PHKB: variants seen among roughly 807,000 people sequenced by gnomAD.
PHKB encodes the protein phosphorylase kinase regulatory subunit beta, also known as phosphorylase b kinase regulatory subunit beta.
In PHKB, 122 loss-of-function variants were observed where a neutral mutation model predicts 152.1. The observed-to-expected ratio is 0.80, with a 90% confidence interval of 0.69 to 0.93. The LOEUF (loss-of-function observed/expected upper bound fraction) is 0.93, where lower values mean the gene tolerates loss of function less well. Ranked by LOEUF, PHKB falls within the 40% of genes least tolerant of loss-of-function variation. The pLI is 0.00. For missense variants in PHKB, 1,304 were observed against 1,328.4 expected (o/e 0.98, Z 0.29); for synonymous variants, 436 against 464.9 (o/e 0.94, Z 0.80).
intron 6 of PHKB, among the ~76,000 whole-genome samples, chr16:47,541,412 T>C (rs980164520): frequency 2.6e-5 from 4 of 152,224 alleles, no homozygotes; most frequent in African/African-American, 9.6e-5. Context: ...GACATTTGGG[T>C]TGGTTCCAAG....
rs2151731391 is a variant in PHKB at position 47,650,539 on chromosome 16, G to A, written c.1798-5G>A. 1.9e-6 allele frequency: 3 copies of A among 1,553,852 alleles called. No homozygotes were observed. The East Asian group carries it at 6.7e-5, about 35-fold the overall frequency. ...CATTACATCCTACCTCATTCTGTTT[G>A]ACAGAATGCGCTGCAGTTCATTAAA... On this transcript the variant is annotated splice_region_variant and splice_polypyrimidine_tract_variant and intron_variant, in intron 18 of 30. Coordinates refer to ENST00000323584, the MANE Select transcript of PHKB (RefSeq NM_000293.3).
intron 7 of PHKB, 103 bp from the exon 8 acceptor site, chr16:47,580,192 A>G (rs1486145369): frequency 2.4e-6 from 2 of 834,586 alleles, no homozygotes; most frequent in African/African-American, 1.7e-5. Flanking sequence ...AAGTTGTTAT[A>G]AATGTTAATA....
At chr16:47,563,986 A>G (rs1010683112) in intron 7 of PHKB, among the ~76,000 whole-genome samples, 9 of 93,966 alleles carry the variant, frequency 9.6e-5, no homozygotes, top group African/African-American at 3.3e-4. Flanking sequence ...AAAAGACATT[A>G]TTTCATTCTT....
At chr16:47,465,897 G>T (rs1184747046) in intron 1 of PHKB, among the ~76,000 whole-genome samples, 1 of 152,246 alleles carries the variant, frequency 6.6e-6, no homozygotes, top group East Asian at 1.9e-4. Flanking sequence ...GCACATCCTT[G>T]CTTCACAGCT....
At chr16:47,581,536 G>GTATGGCTTA in intron 8 of PHKB, among the ~76,000 whole-genome samples, 1 of 148,578 alleles carries the variant, frequency 6.7e-6, no homozygotes, top group Middle Eastern at 3.5e-3. Flanking sequence ...ATTTAACTAA[G>GTATGGCTTA]CCTCAGCTTC....
intron 14 of PHKB, among the ~76,000 whole-genome samples, chr16:47,636,436 T>G (rs1349928384): frequency 6.6e-6 from 1 of 152,108 alleles, no homozygotes; most frequent in Non-Finnish European, 1.5e-5. Context: ...TGCTCTCAGG[T>G]GCAGCTGCAG....
At chr16:47,528,551 A>G (rs947713254) in intron 6 of PHKB, among the ~76,000 whole-genome samples, 1 of 152,042 alleles carries the variant, frequency 6.6e-6, no homozygotes, top group African/African-American at 2.4e-5. Flanking sequence ...AACCAGGCTC[A>G]ATTTTTTTTT....
intron 1 of PHKB, among the ~76,000 whole-genome samples, chr16:47,488,067 G>A (rs189753017): frequency 1.1e-3 from 168 of 152,194 alleles, no homozygotes; most frequent in Non-Finnish European, 2.0e-3. Flanking sequence ...GTGTATAAGC[G>A]TTCCCTTTTT....
In PHKB at chr16:47,596,475, G is replaced by A. The variant is rs143602657; in HGVS notation, c.1307G>A (p.Arg436His). The change falls in exon 13 of 31, where the codon CGT (arginine) becomes CAT (histidine). Residue 436 changes from arginine (R) to histidine (H), a missense_variant. Transcript: ENST00000323584. ...AAACGATTTCCTAGCAACTGTGGCC[G>A]TGATGGAAAACTGTTTCTTTGGGGA... ...SQKRFPSNCG[R>H]DGKLFLWGQA... 96 of 1,613,820 alleles carry A rather than the reference G, an allele frequency of 5.9e-5. No homozygotes were observed. The highest frequency in any genetic ancestry group is 2.2e-4 in the East Asian group (10 of 44,860).
chr16:47,673,644 C>CT (rs1973674904), intron 26 of PHKB, among the ~76,000 whole-genome samples: 1 of 152,134 alleles, frequency 6.6e-6, no homozygotes, highest in African/African-American at 2.4e-5. Flanking sequence ...CAGTAACGAT[C>CT]TAAGAGGAGA....
At chr16:47,566,377 C>G in intron 7 of PHKB, 1 of 1,527,632 alleles carries the variant, frequency 6.5e-7, no homozygotes, top group Non-Finnish European at 9.0e-7. Flanking sequence ...TTATCCTGTG[C>G]TTGATCAGCA....
chr16:47,629,169 A>C (rs1238839070), intron 14 of PHKB, among the ~76,000 whole-genome samples: 2 of 152,256 alleles, frequency 1.3e-5, no homozygotes, highest in East Asian at 1.9e-4. Context: ...CAAAATTGAC[A>C]AATGGGATCT....
intron 29 of PHKB, among the ~76,000 whole-genome samples, chr16:47,697,546 G>T (rs966382851): frequency 1.3e-5 from 2 of 152,058 alleles, no homozygotes; most frequent in Non-Finnish European, 2.9e-5. Flanking sequence ...TATTCTCATG[G>T]CTAAAGGCCT....
chr16:47,582,683 T>G (rs931083668), intron 8 of PHKB, among the ~76,000 whole-genome samples: 2 of 152,274 alleles, frequency 1.3e-5, no homozygotes, highest in Admixed American at 6.5e-5. Flanking sequence ...AGTTAATTTT[T>G]GGCCTTGTTC....
At chr16:47,576,553 G>A (rs1301747908) in intron 7 of PHKB, among the ~76,000 whole-genome samples, 2 of 152,198 alleles carry the variant, frequency 1.3e-5, no homozygotes, top group African/African-American at 4.8e-5. Flanking sequence ...TGAGAGAAAA[G>A]GAGAAAAGTG....
chr16:47,518,647 A>C (rs1402104681), intron 6 of PHKB, among the ~76,000 whole-genome samples: 2 of 152,210 alleles, frequency 1.3e-5, no homozygotes, highest in African/African-American at 2.4e-5. Context: ...CTTGCTGTGT[A>C]TATTGGTCAT....
At chr16:47,469,481 A>G (rs565544345) in intron 1 of PHKB, among the ~76,000 whole-genome samples, 2 of 152,310 alleles carry the variant, frequency 1.3e-5, no homozygotes, top group African/African-American at 2.4e-5. Flanking sequence ...CCATTATCCT[A>G]AGTGAATTAA....
intron 6 of PHKB, among the ~76,000 whole-genome samples, chr16:47,531,372 A>G (rs1438919634): frequency 6.6e-6 from 1 of 152,164 alleles, no homozygotes; most frequent in Non-Finnish European, 1.5e-5. Context: ...AAGGTCCTTT[A>G]TATTCTTAAA....
Position 47,596,362 on chromosome 16 carries a change from A to T in PHKB, c.1205-11A>T. On this transcript the variant is annotated splice_polypyrimidine_tract_variant and intron_variant, in intron 12 of 30. Coordinates refer to ENST00000323584, the MANE Select transcript of PHKB (RefSeq NM_000293.3). ...TGTTATATTTTAAATACTTATTTTTAAACTCCATAGGATATCCTGTTGTAC... is the reference window on the plus strand; with the variant it reads ...TGTTATATTTTAAATACTTATTTTTTAACTCCATAGGATATCCTGTTGTAC... 1 of 1,569,732 alleles carries T rather than the reference A, an allele frequency of 6.4e-7. No homozygotes were observed. Among genetic ancestry groups the T allele is most frequent in the Non-Finnish European group, 8.8e-7 (1 of 1,140,136 alleles).
Sources: allele counts gnomAD v4.1 joint callset (sites outside exome capture counted in the v4.1 genomes callset), GRCh38; gene constraint gnomAD v4.1.1; transcripts MANE v1.5; gene names NCBI Gene and HGNC (gene_info 2026-07-23, HGNC 2026-07-21).